Variants in IMPG1 observed in about 807,000 individuals in gnomAD.
The protein encoded by IMPG1 is interphotoreceptor matrix proteoglycan 1.
Under a neutral mutation model 92.0 loss-of-function variants are expected in IMPG1, and 85 were observed. The ratio of observed to expected loss-of-function variants is 0.92; its 90% CI spans 0.78 to 1.11. IMPG1 has a LOEUF of 1.11. IMPG1 is among the 50% of genes least tolerant of loss of function. IMPG1 has a pLI of 0.00. For missense variants in IMPG1, 1,022 were observed against 956.0 expected, an observed-to-expected ratio of 1.07 and a Z score of -0.91; for synonymous variants, 367 against 334.1, an observed-to-expected ratio of 1.10 and a Z score of -1.08.
intron 8 of IMPG1, 61 bp downstream of exon 8, chr6:76,011,105 T>G: frequency 1.1e-6 from 1 of 942,352 alleles, no homozygotes; most frequent in Non-Finnish European, 1.7e-6. Flanking sequence ...GGCATTGTTT[T>G]TACAAAAGGA....
intron 14 of IMPG1, among the ~76,000 whole-genome samples, chr6:75,931,970 G>T (rs1023438935): frequency 3.3e-5 from 5 of 152,216 alleles, no homozygotes; most frequent in Non-Finnish European, 7.3e-5. Context: ...GTCCTCAAGG[G>T]CTGATGGCAG....
intron 1 of IMPG1, among the ~76,000 whole-genome samples, chr6:76,050,741 G>A (rs1037143042): frequency 1.3e-5 from 2 of 152,084 alleles, no homozygotes; most frequent in African/African-American, 4.8e-5. Flanking sequence ...TATTCAAGTG[G>A]ATACTTACCA....
At chr6:76,045,832 CT>C (rs1468407540) in intron 1 of IMPG1, among the ~76,000 whole-genome samples, 4 of 151,974 alleles carry the variant, frequency 2.6e-5, no homozygotes, top group Non-Finnish European at 5.9e-5. Context: ...CTTTGGGTCA[CT>C]TTTATGAGTT....
In IMPG1 at chr6:76,003,902, A is replaced by G. The variant is rs753090077; in HGVS notation, c.1184T>C (p.Leu395Pro). 1 of 1,613,390 alleles carries G rather than the reference A, an allele frequency of 6.2e-7. No individual in the cohort carries two copies. The highest frequency in any genetic ancestry group is 1.1e-5 in the South Asian group (1 of 90,984). ...PAFGPDTQSE[L>P]PTSFAVITED... ...TGTTATAACAGCAAAAGATGTGGGC[A>G]GCTCTGATTGGGTGTCAGGACCAAA... The change falls in exon 11 of 17, where the codon CTG (leucine) becomes CCG (proline). Residue 395 changes from leucine (L) to proline (P), a missense_variant. Leu to Pro is a moderately conservative substitution (Grantham distance 98). Coordinates refer to ENST00000369950, the MANE Select transcript of IMPG1 (RefSeq NM_001563.4).
intron 11 of IMPG1, 26 bp from the exon 12 acceptor site, chr6:76,003,022 A>T: frequency 6.5e-7 from 1 of 1,549,988 alleles, no homozygotes; most frequent in Non-Finnish European, 8.9e-7. Context: ...TGCAAGACAG[A>T]TGTTGAGAAA....
intron 1 of IMPG1, among the ~76,000 whole-genome samples, chr6:76,045,441 CTT>C (rs10700038): frequency 4.2e-4 from 52 of 122,396 alleles, no homozygotes; most frequent in African/African-American, 1.0e-3. Flanking sequence ...CAACCTCCAT[CTT>C]TTTTTTTTTT....
chr6:76,071,231 A>G lies in IMPG1; in HGVS notation c.67+1191T>C, dbSNP rs1057349542. ...GTGTATAATAGCTGATATGCAATAT[A>G]TGAAAATAGAAAAAATCGTTAAATT... On this transcript the variant is annotated intron_variant, in intron 1 of 16. Coordinates refer to ENST00000369950, the MANE Select transcript of IMPG1 (RefSeq NM_001563.4). 1.1e-4 allele frequency among the ~76,000 whole-genome samples: 16 copies of G among 149,282 alleles called. 1 individual carries two copies. In the South Asian group the frequency reaches 3.3e-3, roughly 31 times the overall value.
chr6:76,008,063 A>C (rs1283726695), intron 8 of IMPG1, among the ~76,000 whole-genome samples: 2 of 152,238 alleles, frequency 1.3e-5, no homozygotes, highest in Non-Finnish European at 2.9e-5. Flanking sequence ...CTTGCAAGAA[A>C]AACCACCACC....
At chr6:76,036,345 C>T (rs1783742545) in intron 2 of IMPG1, among the ~76,000 whole-genome samples, 4 of 152,196 alleles carry the variant, frequency 2.6e-5, no homozygotes, top group Admixed American at 2.6e-4. Flanking sequence ...TTTTTTAACA[C>T]TGATTTCTTC....
chr6:76,043,382 T>C (rs921391062), intron 1 of IMPG1, among the ~76,000 whole-genome samples: 4 of 152,134 alleles, frequency 2.6e-5, no homozygotes, highest in African/African-American at 9.7e-5. Flanking sequence ...AATTTAAATC[T>C]TGCTGTAAAG....
At chr6:75,928,758 C>T (rs574144251) in intron 15 of IMPG1, 4 of 152,156 alleles carry the variant, frequency 2.6e-5, no homozygotes, top group African/African-American at 9.7e-5. Flanking sequence ...AATTTACTTA[C>T]ATGTTAGATC....
At chr6:76,032,903 A>T (rs1288846156) in intron 4 of IMPG1, among the ~76,000 whole-genome samples, 1 of 152,184 alleles carries the variant, frequency 6.6e-6, no homozygotes, top group Non-Finnish European at 1.5e-5. Context: ...AAAGGTCAGG[A>T]GGTGAAAGGT....
rs188089802 is a variant in IMPG1 at position 75,941,904 on chromosome 6, G to C, written c.2044+5410C>G. ...ACAATTATGGTTTTTACATTTTGAG[G>C]GTGATTCTTTGATAAGGGTTAGGGG... On this transcript the variant is annotated intron_variant, in intron 14 of 16. Coordinates refer to ENST00000369950, the MANE Select transcript of IMPG1 (RefSeq NM_001563.4). Among the ~76,000 whole-genome samples the C allele has an allele frequency of 1.7e-3, 264 of 152,224 alleles. 1 individual carries two copies. The highest frequency in any genetic ancestry group is 3.0e-3 in the Non-Finnish European group (206 of 68,004).
At chr6:76,041,538 T>C (rs1316434063) in intron 2 of IMPG1, among the ~76,000 whole-genome samples, 3 of 152,184 alleles carry the variant, frequency 2.0e-5, no homozygotes, top group Non-Finnish European at 4.4e-5. Context: ...ATTCCTGACA[T>C]TGCAATCATC....
intron 12 of IMPG1, among the ~76,000 whole-genome samples, chr6:75,978,541 A>G (rs1396745274): frequency 6.6e-6 from 1 of 152,182 alleles, no homozygotes; most frequent in Non-Finnish European, 1.5e-5. Flanking sequence ...AAAACTAACT[A>G]TGGCAGGTTC....
Position 75,950,753 on chromosome 6 carries a change from G to T in IMPG1, c.1633C>A (p.His545Asn), listed in dbSNP as rs763567835. ...ACAGGAGTGGTATCCTCCAAGAAAT[G>T]ATCTGGGACAGAAACATATTCGCTG... is the stretch of plus-strand genomic sequence containing the variant. ...ELSEYVSVPD[H>N]FLEDTTPVSA... The change falls in exon 13 of 17, where the codon CAT becomes AAT. Residue 545 changes from histidine (H) to asparagine (N), a missense_variant. Physicochemically the swap from His to Asn is moderately conservative, Grantham distance 68. This residue lies in a region of IMPG1 where 332 missense variants were observed against 346.2 expected (regional missense o/e 0.96). Transcript: ENST00000369950. The T allele has an allele frequency of 1.1e-5, 18 of 1,613,760 alleles. No individual in the cohort carries two copies. Among genetic ancestry groups the T allele is most frequent in the Middle Eastern group, 3.3e-4 (2 of 6,078 alleles).
chr6:75,991,742 T>C, intron 12 of IMPG1, among the ~76,000 whole-genome samples: 1 of 152,334 alleles, frequency 6.6e-6, no homozygotes, highest in East Asian at 1.9e-4. Context: ...AAACACATTC[T>C]TTTATATTAT....
intron 14 of IMPG1, among the ~76,000 whole-genome samples, chr6:75,935,496 C>G (rs1438567420): frequency 6.6e-6 from 1 of 152,204 alleles, no homozygotes; most frequent in Non-Finnish European, 1.5e-5. Context: ...CCCCGCCGCA[C>G]GTTCGCTCGC....
At chr6:76,042,565 C>G (rs757870655) in intron 1 of IMPG1, among the ~76,000 whole-genome samples, 2 of 152,062 alleles carry the variant, frequency 1.3e-5, no homozygotes, top group Non-Finnish European at 2.9e-5. Context: ...AACAATGCAA[C>G]AAAATAACCT....
Sources: gnomAD v4.1 joint callset for allele counts (sites outside exome capture counted in the v4.1 genomes callset) on GRCh38, gnomAD v4.1.1 for gene constraint, gnomAD v4.1.1 regional missense constraint, MANE v1.5 for transcripts, NCBI Gene and HGNC (gene_info 2026-07-23, HGNC 2026-07-21) for gene names.